The following ADAM23 variants were observed in gnomAD, a reference collection of about 807,000 sequenced individuals.
The protein encoded by ADAM23 is disintegrin and metalloproteinase domain-containing protein 23.
ADAM23 carries 33 observed loss-of-function variants against 120.1 expected under a neutral mutation model. The ratio of observed to expected loss-of-function variants is 0.27; its 90% CI spans 0.21 to 0.37. ADAM23 has a LOEUF of 0.37. Ranked by LOEUF, ADAM23 falls within the 10% of genes least tolerant of loss-of-function variation. ADAM23 has a pLI of 1.00. For missense variants in ADAM23, 862 were observed against 1,058.2 expected, an observed-to-expected ratio of 0.81 and a Z score of 2.57; for synonymous variants, 367 against 375.2, an observed-to-expected ratio of 0.98 and a Z score of 0.25.
chr2:206,615,241 A>T (rs1366469588), intron 25 of ADAM23, among the ~76,000 whole-genome samples: 1 of 152,158 alleles, frequency 6.6e-6, no homozygotes, highest in Non-Finnish European at 1.5e-5. Context: ...AAATGGATGA[A>T]AGCTGTGAAA....
intron 2 of ADAM23, among the ~76,000 whole-genome samples, chr2:206,453,803 T>C (rs1267833365): frequency 6.6e-6 from 1 of 152,264 alleles, no homozygotes; most frequent in East Asian, 1.9e-4. Context: ...TGTGAACCTG[T>C]GAATTAGCAC....
chr2:206,561,309 C>G, intron 12 of ADAM23, 97 bp downstream of exon 12: 1 of 1,051,058 alleles, frequency 9.5e-7, no homozygotes, highest in East Asian at 2.5e-5. Context: ...AGAATGATGA[C>G]ATGGCAAATG....
At chr2:206,600,421 T>C (rs999695830) in intron 24 of ADAM23, among the ~76,000 whole-genome samples, 1 of 152,178 alleles carries the variant, frequency 6.6e-6, no homozygotes, top group Non-Finnish European at 1.5e-5. Flanking sequence ...AATTTCAATG[T>C]GCTTCCATTA....
Position 206,539,139 on chromosome 2 carries a change from G to T in ADAM23, c.574-2913G>T, listed in dbSNP as rs572576421. The stretch of plus-strand genomic sequence containing the variant: ...TGGAGCAGAGTTATTATTTGAGCAT[G>T]ATATGGCTTGTGGAGTGTTCAGCTA... On this transcript the variant is annotated intron_variant, in intron 4 of 25. Transcript: ENST00000264377. Among the ~76,000 whole-genome samples the T allele has an allele frequency of 2.6e-5, 4 of 152,342 alleles. No homozygotes were observed. In the East Asian group the frequency reaches 5.8e-4, roughly 22 times the overall value.
At chr2:206,495,984 C>T (rs1005513412) in intron 3 of ADAM23, among the ~76,000 whole-genome samples, 1 of 152,116 alleles carries the variant, frequency 6.6e-6, no homozygotes, top group African/African-American at 2.4e-5. Flanking sequence ...AATACAGGAG[C>T]ACCCAGATTC....
intron 9 of ADAM23, among the ~76,000 whole-genome samples, chr2:206,553,404 C>T (rs11678674): frequency 0.28 from 41,846 of 152,000 alleles, 5,933 homozygotes; most frequent in South Asian, 0.32. Context: ...CCACTGCACT[C>T]CAGCCTGGGC....
At chr2:206,466,589 C>T (rs910071009) in intron 2 of ADAM23, among the ~76,000 whole-genome samples, 7 of 152,258 alleles carry the variant, frequency 4.6e-5, no homozygotes, top group South Asian at 4.1e-4. Context: ...TTTACTCATT[C>T]ATATGTCTCT....
At position 206,596,131 on chromosome 2, in the gene ADAM23, C is replaced by G. The variant is rs781658049; in HGVS notation, c.2328C>G (p.Asn776Lys). The change falls in exon 24 of 26, where the codon AAC becomes AAG. Residue 776 changes from asparagine (N) to lysine (K), a missense_variant. Asn to Lys is a moderately conservative substitution (Grantham distance 94, BLOSUM62 0). Around this residue, in one of 4 missense-constraint regions of ADAM23, gnomAD observed 617 missense variants for 813.5 expected, o/e 0.76. Transcript: ENST00000264377. ...GCAGTATCCGGGATCCAGTTAGGAA[C>G]CTTCACCCCCCCAAGGATGAAGGAC... ...TDCSIRDPVR[N>K]LHPPKDEGPK... The G allele has an allele frequency of 1.9e-6, 3 of 1,614,048 alleles. No individual in the cohort carries two copies. Among genetic ancestry groups the G allele is most frequent in the Admixed American group, 1.7e-5 (1 of 60,010 alleles).
chr2:206,506,251 C>T (rs1209178941), intron 3 of ADAM23, among the ~76,000 whole-genome samples: 3 of 152,158 alleles, frequency 2.0e-5, no homozygotes, highest in Admixed American at 6.5e-5. Flanking sequence ...TCTTTCTACA[C>T]GGTTATTCTT....
intron 3 of ADAM23, among the ~76,000 whole-genome samples, chr2:206,508,609 T>C (rs1284627603): frequency 1.4e-5 from 2 of 141,612 alleles, no homozygotes; most frequent in East Asian, 2.1e-4. Flanking sequence ...TGAACCAAGA[T>C]CATGCCACTG....
At chr2:206,515,204 C>T (rs545597758) in intron 3 of ADAM23, among the ~76,000 whole-genome samples, 1 of 152,268 alleles carries the variant, frequency 6.6e-6, no homozygotes, top group African/African-American at 2.4e-5. Context: ...AAAAGGAAGA[C>T]ATTTATTGTC....
In ADAM23 at chr2:206,445,512, A is replaced by G. The variant is rs373601037; in HGVS notation, c.420A>G (p.Gln140=). Reference sequence around the variant, plus strand: ...TTGACACAAAGGCAAGACACCAGCAAAAACATAATAAGGTAGGCAGGAGGC... The same window carrying G: ...TTGACACAAAGGCAAGACACCAGCAGAAACATAATAAGGTAGGCAGGAGGC... ...HVLDTKARHQ[Q]KHNKAVHLAQ... Residue 140 remains glutamine (Q), a synonymous_variant, in exon 2 of 26, where the codon CAA becomes CAG. Transcript: ENST00000264377. The G allele has an allele frequency of 6.2e-7, 1 of 1,613,398 alleles. No homozygotes were observed.
chr2:206,557,993 T>C (rs1044276525), intron 10 of ADAM23, among the ~76,000 whole-genome samples: 4 of 152,228 alleles, frequency 2.6e-5, no homozygotes, highest in African/African-American at 9.6e-5. Flanking sequence ...ACTTGATTTC[T>C]AGATGATGGA....
chr2:206,553,591 T>C (rs1435179818), intron 9 of ADAM23, among the ~76,000 whole-genome samples: 1 of 152,176 alleles, frequency 6.6e-6, no homozygotes, highest in East Asian at 1.9e-4. Flanking sequence ...TCCATAATAG[T>C]CCCAAATACG....
chr2:206,607,262 G>A (rs567813559), intron 24 of ADAM23: 11 of 152,164 alleles, frequency 7.2e-5, no homozygotes, highest in African/African-American at 2.7e-4. Context: ...CCATAACAGG[G>A]ATAAAAATAT....
intron 18 of ADAM23, among the ~76,000 whole-genome samples, chr2:206,585,216 T>C (rs1325208380): frequency 1.3e-5 from 2 of 152,164 alleles, no homozygotes; most frequent in Non-Finnish European, 2.9e-5. Context: ...TGCAATCTAG[T>C]CCTGCCTCCT....
rs6717429 is a variant in ADAM23 at position 206,571,211 on chromosome 2, G to C, written c.1566+400G>C. Among the ~76,000 whole-genome samples, 650 of 152,250 alleles carry C rather than the reference G, an allele frequency of 4.3e-3. 8 individuals carry two copies. Among genetic ancestry groups the C allele is most frequent in the African/African-American group, 0.015 (610 of 41,550 alleles). Reference sequence around the variant, plus strand: ...GCTTTCTCGGCCGGGCGCGGTGGCTGACGCCTGTAATCCCAGCACTTTGGG... The same window carrying C: ...GCTTTCTCGGCCGGGCGCGGTGGCTCACGCCTGTAATCCCAGCACTTTGGG... On this transcript the variant is annotated intron_variant, in intron 16 of 25. Coordinates refer to ENST00000264377, the MANE Select transcript of ADAM23 (RefSeq NM_003812.4).
chr2:206,453,121 C>T (rs1239487282), intron 2 of ADAM23, among the ~76,000 whole-genome samples: 1 of 152,220 alleles, frequency 6.6e-6, no homozygotes, highest in East Asian at 1.9e-4. Flanking sequence ...TTACACCACA[C>T]ATTTGCTGTT....
intron 3 of ADAM23, among the ~76,000 whole-genome samples, chr2:206,496,148 G>T (rs1045353960): frequency 1.3e-5 from 2 of 152,124 alleles, no homozygotes; most frequent in African/African-American, 4.8e-5. Context: ...GCACCAAGCA[G>T]ACCTAATAGA....
Sources: gnomAD v4.1 joint callset for allele counts (sites outside exome capture counted in the v4.1 genomes callset) on GRCh38, gnomAD v4.1.1 for gene constraint, gnomAD v4.1.1 regional missense constraint, MANE v1.5 for transcripts, NCBI Gene and HGNC (gene_info 2026-07-23, HGNC 2026-07-21) for gene names.